POLR1B: variants seen among roughly 807,000 people sequenced by gnomAD.
POLR1B encodes the protein RNA polymerase I subunit B.
A neutral mutation model predicts 105.8 loss-of-function variants in POLR1B; 30 were observed. The ratio of observed to expected loss-of-function variants is 0.28; its 90% CI spans 0.21 to 0.38. The LOEUF is 0.38. Among genes scored for constraint, POLR1B ranks in the 10% least tolerant of loss-of-function variants. The probability of loss-of-function intolerance (pLI) is 1.00; values close to 1 mark genes in which losing one functional copy is unlikely to be tolerated. For missense variants in POLR1B, 976 were observed against 1,435.8 expected (o/e 0.68, Z 5.17); for synonymous variants, 485 against 505.1 (o/e 0.96, Z 0.53).
Position 112,542,629 on chromosome 2 carries a change from C to T in POLR1B, c.135C>T (p.Ser45=). The change falls in exon 1 of 15, where the codon TCC becomes TCT. Residue 45 remains serine (S), a synonymous_variant. Coordinates refer to ENST00000263331, the MANE Select transcript of POLR1B (RefSeq NM_019014.6). ...LQELTRAHVE[S]FNYAVHEGLG... is the part of the protein sequence containing the mutation. ...AGCTGACGCGGGCGCACGTGGAGTC[C>T]TTCAACTACGCTGTGCACGAGGGTC... is the stretch of plus-strand genomic sequence containing the variant. The T allele has an allele frequency of 6.2e-7, 1 of 1,614,082 alleles. No individual in the cohort carries two copies. The highest frequency in any genetic ancestry group is 8.5e-7 in the Non-Finnish European group (1 of 1,180,020).
chr2:112,557,184 G>A (rs1004254114), intron 7 of POLR1B, among the ~76,000 whole-genome samples: 8 of 152,170 alleles, frequency 5.3e-5, no homozygotes, highest in African/African-American at 1.9e-4. Flanking sequence ...TACTTAGGAG[G>A]TTAAGGCAGG....
chr2:112,542,057 C>T, upstream of POLR1B: 3 of 1,510,890 alleles, frequency 2.0e-6, no homozygotes, highest in South Asian at 2.4e-5. Context: ...GATGACTCCC[C>T]AGGGTCGGCA....
At chr2:112,572,520 T>A in intron 12 of POLR1B, 42 bp from the exon 13 acceptor site, 1 of 1,440,230 alleles carries the variant, frequency 6.9e-7, no homozygotes, top group Admixed American at 2.2e-5. Flanking sequence ...ATAATCAAGA[T>A]GAAAGCAGCA....
chr2:112,542,352 G>A (rs770971462), upstream of POLR1B: 6 of 1,566,322 alleles, frequency 3.8e-6, no homozygotes, highest in African/African-American at 8.1e-5. Context: ...GAAACCGCAG[G>A]GCCTAGGGCG....
Position 112,576,042 on chromosome 2 carries a change from C to G in POLR1B, c.*313C>G, listed in dbSNP as rs1684843859. 2.9e-6 allele frequency: 1 copy of G among 345,840 alleles called. No homozygotes were observed. The highest frequency in any genetic ancestry group is 5.4e-6 in the Non-Finnish European group (1 of 184,774). 21.4% of individuals were successfully genotyped at this position (345,840 alleles called of 1,614,324 possible). A position where few individuals can be genotyped will look rare whatever the true frequency, so the allele number is the denominator to read the frequency against. ...TTCCCTACACCCTGCTCTCAGCAGG[C>G]AGTGAGTGTCACACACCTGTTAATC... is the stretch of plus-strand genomic sequence containing the variant. On this transcript the variant is annotated 3_prime_UTR_variant, in exon 15 of 15. Transcript: ENST00000263331.
rs752232220 is a variant in POLR1B at position 112,563,048 on chromosome 2, C to CT, written c.1613-1306dup. Among the ~76,000 whole-genome samples the CT allele has an allele frequency of 8.5e-3, 1,119 of 131,678 alleles. 8 individuals are homozygous for CT. The highest frequency in any genetic ancestry group is 0.033 in the South Asian group (134 of 4,076). The allele number at this position is 131,678 out of a possible 152,430, so 86.4% of individuals were successfully genotyped here. On this transcript the variant is annotated intron_variant, in intron 9 of 14. Coordinates refer to ENST00000263331, the MANE Select transcript of POLR1B (RefSeq NM_019014.6). ...CCGGCCAGCTTGTGACAATTTCTTT[C>CT]TTTTTTTTTTTTCTTTTTTTTTTTG...
At chr2:112,542,113 G>T, upstream of POLR1B, 1 of 1,535,680 alleles carries the variant, frequency 6.5e-7, no homozygotes, top group Non-Finnish European at 8.7e-7. Flanking sequence ...AAGAGAGCCT[G>T]AGAAGACCGC....
chr2:112,568,561 C>T (rs1028974993), intron 11 of POLR1B, among the ~76,000 whole-genome samples, 185 bp from the exon 12 acceptor site: 3 of 152,152 alleles, frequency 2.0e-5, no homozygotes, highest in Admixed American at 2.0e-4. Context: ...GAGTGAGATA[C>T]GTAAAGCAAG....
In POLR1B at chr2:112,552,774, G is replaced by A; in HGVS notation, c.1116G>A (p.Gln372=). 6.2e-7 allele frequency: 1 copy of A among 1,607,888 alleles called. No individual in the cohort carries two copies. Among genetic ancestry groups the A allele is most frequent in the Non-Finnish European group, 8.5e-7 (1 of 1,177,760 alleles). The part of the protein sequence containing the change: ...MEDNPDSLVN[Q]EVLTPGQLFL... The stretch of plus-strand genomic sequence containing the variant: ...ACAATCCTGATAGTTTGGTGAACCA[G>A]GAAGTCCTCACACCGGGTCAGCTCT... The change falls in exon 7 of 15, where the codon CAG becomes CAA. Residue 372 remains glutamine, a synonymous_variant. Transcript: ENST00000263331.
At chr2:112,573,958 C>A in intron 14 of POLR1B, 143 bp downstream of exon 14, 1 of 992,644 alleles carries the variant, frequency 1.0e-6, no homozygotes, top group Non-Finnish European at 1.5e-6. Flanking sequence ...GCAATCCTCT[C>A]GCCTCAGCCT....
Position 112,551,044 on chromosome 2 carries a change from A to G in POLR1B, c.762+42A>G, listed in dbSNP as rs538177531. 1.6e-4 allele frequency: 249 copies of G among 1,581,110 alleles called. 1 individual carries two copies. In the Middle Eastern group the frequency reaches 5.3e-3, roughly 34 times the overall value. On this transcript the variant is annotated intron_variant, in intron 5 of 14. Coordinates refer to ENST00000263331, the MANE Select transcript of POLR1B (RefSeq NM_019014.6). Reference sequence around the variant, plus strand: ...GCATTCTTTTGTTATGAAGAAATTCACTGGGGGTAGTATCCTGTGCACATT... The same window carrying G: ...GCATTCTTTTGTTATGAAGAAATTCGCTGGGGGTAGTATCCTGTGCACATT...
chr2:112,542,290 T>A, upstream of POLR1B: 1 of 1,530,046 alleles, frequency 6.5e-7, no homozygotes. Flanking sequence ...GACACGGCCT[T>A]AATCGGCCCG....
rs550644641 is a variant in POLR1B, at chr2:112,573,816, G to A, written c.2525+1G>A. The A allele has an allele frequency of 6.2e-7, 1 of 1,608,978 alleles. No homozygotes were observed. The highest frequency in any genetic ancestry group is 1.1e-5 in the South Asian group (1 of 90,702). ...GGGAAAGTTTTGTGATGTACTATAA[G>A]TAAGTTTGGGTATCCAAGCTGTTTT... On this transcript the variant is annotated splice_donor_variant, in intron 14 of 14. Coordinates refer to ENST00000263331, the MANE Select transcript of POLR1B (RefSeq NM_019014.6). LOFTEE classifies it high-confidence loss of function.
At chr2:112,551,625 G>A in intron 5 of POLR1B, 150 bp from the exon 6 acceptor site, 1 of 667,514 alleles carries the variant, frequency 1.5e-6, no homozygotes, top group Middle Eastern at 4.2e-4. Context: ...TACAAAGAAT[G>A]CTTTATTTTA....
intron 4 of POLR1B, among the ~76,000 whole-genome samples, chr2:112,550,023 G>T (rs1683281597): frequency 6.6e-6 from 1 of 152,314 alleles, no homozygotes; most frequent in Non-Finnish European, 1.5e-5. Flanking sequence ...AACTGAAAGA[G>T]CATGTGTATT....
In POLR1B at chr2:112,550,997, C is replaced by G; in HGVS notation, c.757C>G (p.Leu253Val). 1 of 1,613,358 alleles carries G rather than the reference C, an allele frequency of 6.2e-7. No individual in the cohort carries two copies. Among genetic ancestry groups the G allele is most frequent in the Non-Finnish European group, 8.5e-7 (1 of 1,179,310 alleles). The change falls in exon 5 of 15, where the codon CTT becomes GTT. Residue 253 changes from leucine to valine, a missense_variant. Leu to Val is a conservative substitution (Grantham distance 32). Transcript: ENST00000263331. ...GTTCTTTCTTCCTTTGGGATTTGCA[C>G]TTAAGGTATGACTTAATGAATGCAT... is the stretch of plus-strand genomic sequence containing the variant. ...ELFFLPLGFA[L>V]KALVSFSDYQ...
rs781477381 is a variant in POLR1B at position 112,542,662 on chromosome 2, C to T, written c.168C>T (p.Leu56=). The T allele has an allele frequency of 1.2e-6, 2 of 1,613,378 alleles. No homozygotes were observed. The highest frequency in any genetic ancestry group is 2.2e-5 in the East Asian group (1 of 44,878). Residue 56 remains leucine (L), a synonymous_variant, in exon 1 of 15, where the codon CTC becomes CTT. Transcript: ENST00000263331. ...ACGCTGTGCACGAGGGTCTCGGCCT[C>T]GCGGTGCAGGTGAGCGCGGCGTCCG... ...FNYAVHEGLG[L]AVQAIPPFEF... is the part of the protein sequence containing the mutation.
chr2:112,542,564 T>G lies in POLR1B; in HGVS notation c.70T>G (p.Tyr24Asp). ...PSLKHLTDPSYGIPREQQKAA... is the reference protein window; with the variant it reads ...PSLKHLTDPSDGIPREQQKAA... Reference sequence around the variant, plus strand: ...CCTAAAGCACTTGACTGACCCCTCTTATGGAATCCCGCGGGAACAGCAAAA... The same window carrying G: ...CCTAAAGCACTTGACTGACCCCTCTGATGGAATCCCGCGGGAACAGCAAAA... The change falls in exon 1 of 15, where the codon TAT becomes GAT. Residue 24 changes from tyrosine to aspartate, a missense_variant. Physicochemically the swap from Tyr to Asp is radical, Grantham distance 160. Coordinates refer to ENST00000263331, the MANE Select transcript of POLR1B (RefSeq NM_019014.6). The G allele has an allele frequency of 6.2e-7, 1 of 1,614,090 alleles. No individual in the cohort carries two copies. The highest frequency in any genetic ancestry group is 8.5e-7 in the Non-Finnish European group (1 of 1,180,028).
chr2:112,546,590 C>A (rs1683060607), intron 1 of POLR1B, among the ~76,000 whole-genome samples: 1 of 109,198 alleles, frequency 9.2e-6, no homozygotes, highest in Non-Finnish European at 1.7e-5. Context: ...GAGACGGAGT[C>A]TCGCTCTGTC....
Sources: allele counts gnomAD v4.1 joint callset (sites outside exome capture counted in the v4.1 genomes callset), GRCh38; gene constraint gnomAD v4.1.1; transcripts MANE v1.5; gene names NCBI Gene and HGNC (gene_info 2026-07-23, HGNC 2026-07-21).